ZNF429: variants seen among roughly 807,000 people sequenced by gnomAD.
ZNF429 encodes the protein zinc finger protein 429.
Under a neutral mutation model 56.8 loss-of-function variants are expected in ZNF429, and 53 were observed. The observed-to-expected ratio is 0.93, with a 90% CI of 0.75 to 1.17. The LOEUF (loss-of-function observed/expected upper bound fraction) is 1.17, where lower values mean the gene tolerates loss of function less well. Among genes scored for constraint, ZNF429 ranks in the 50% most tolerant of loss-of-function variants. The probability of loss-of-function intolerance (pLI) is 0.00; values close to 1 mark genes in which losing one functional copy is unlikely to be tolerated. For synonymous variants in ZNF429, 278 were observed against 264.7 expected (o/e 1.05, Z -0.49); for missense variants, 849 against 788.4 (o/e 1.08, Z -0.92).
chr19:21,528,002 T>A (rs933436019), intron 1 of ZNF429, among the ~76,000 whole-genome samples: 4 of 152,208 alleles, frequency 2.6e-5, no homozygotes, highest in Admixed American at 1.3e-4. Flanking sequence ...AACTACTTTT[T>A]AAAATTCTTA....
rs763089547 is a variant in ZNF429, at chr19:21,530,634, AAAAAGAACCC to A, written c.177_186del (p.Glu59AspfsTer4). The A allele has an allele frequency of 1.2e-6, 2 of 1,612,240 alleles. No individual in the cohort carries two copies. Among genetic ancestry groups the A allele is most frequent in the Non-Finnish European group, 8.5e-7 (1 of 1,179,140 alleles). On this transcript the variant is annotated frameshift_variant, in exon 3 of 4. Coordinates refer to ENST00000358491, the MANE Select transcript of ZNF429 (RefSeq NM_001001415.4). LOFTEE classifies it high-confidence loss of function. Reference sequence around the variant, plus strand: ...GACCTAATCACTTGTCTAGAGAAAGAAAAAGAACCCTGCAAGATGAAGCGACATGAAATGG... The same window carrying A: ...GACCTAATCACTTGTCTAGAGAAAGATGCAAGATGAAGCGACATGAAATGG...
intron 1 of ZNF429, among the ~76,000 whole-genome samples, chr19:21,509,341 A>G (rs576707328): frequency 6.6e-6 from 1 of 152,340 alleles, no homozygotes; most frequent in South Asian, 2.1e-4. Context: ...TAATACATTT[A>G]TAAAGGAATA....
In ZNF429 at chr19:21,537,087, A is replaced by C; in HGVS notation, c.1034A>C (p.Glu345Ala). ...GGTGAGAAACCCTACAAATGTGAAG[A>C]ATGTGGCAAAGCCTTTAACTGGTCT... ...HTGEKPYKCE[E>A]CGKAFNWSST... is the part of the protein sequence containing the mutation. The change falls in exon 4 of 4, where the codon GAA becomes GCA. Residue 345 changes from glutamate (E) to alanine (A), a missense_variant. Transcript: ENST00000358491. 1 of 1,614,028 alleles carries C rather than the reference A, an allele frequency of 6.2e-7. No individual in the cohort carries two copies. Among genetic ancestry groups the C allele is most frequent in the Non-Finnish European group, 8.5e-7 (1 of 1,179,916 alleles).
At chr19:21,524,004 G>C (rs915018111) in intron 1 of ZNF429, among the ~76,000 whole-genome samples, 12 of 149,886 alleles carry the variant, frequency 8.0e-5, no homozygotes, top group African/African-American at 3.0e-4. Context: ...AAACTAACAG[G>C]AGGCATCTTC....
chr19:21,536,625 A>AT lies in ZNF429; in HGVS notation c.573dup (p.Lys192Ter), dbSNP rs770492289. On this transcript the variant is annotated frameshift_variant, in exon 4 of 4. Coordinates refer to ENST00000358491, the MANE Select transcript of ZNF429 (RefSeq NM_001001415.4). LOFTEE classifies it high-confidence loss of function. ...TGCATGCTTTCACAACTAACTCAAC[A>AT]TAAGAAAATTCATATTAGAGAGAAT... 4.8e-5 allele frequency: 78 copies of AT among 1,613,690 alleles called. No individual in the cohort carries two copies. The highest frequency in any genetic ancestry group is 6.4e-5 in the Non-Finnish European group (75 of 1,179,898).
At chr19:21,535,425 T>C in intron 3 of ZNF429, among the ~76,000 whole-genome samples, 1 of 6,180 alleles carries the variant, frequency 1.6e-4, no homozygotes, top group African/African-American at 8.1e-4. Context: ...TCTTTCTTTC[T>C]TTCTTTCTTT....
chr19:21,529,969 G>T, intron 2 of ZNF429, among the ~76,000 whole-genome samples, 185 bp downstream of exon 2: 14 of 152,058 alleles, frequency 9.2e-5, no homozygotes, highest in African/African-American at 2.9e-4. Context: ...AGGCCAAGGC[G>T]GGTGGATCAC....
At position 21,538,060 on chromosome 19, in the gene ZNF429, T is replaced by A; in HGVS notation, c.2007T>A (p.Asp669Glu). The change falls in exon 4 of 4, where the codon GAT becomes GAA. Residue 669 changes from aspartate to glutamate, a missense_variant. Asp to Glu is a conservative substitution (Grantham distance 45, BLOSUM62 2). Coordinates refer to ENST00000358491, the MANE Select transcript of ZNF429 (RefSeq NM_001001415.4). ...GTGGGCGGATCACGAGGTCAGGAGA[T>A]CGAGACCGTCCTGGCTAACATGGTG... ...GRGGRITRSG[D>E]RDRPG 7.2e-7 allele frequency: 1 copy of A among 1,379,336 alleles called. No homozygotes were observed. The highest frequency in any genetic ancestry group is 1.0e-6 in the Non-Finnish European group (1 of 981,490). 85.4% of individuals were successfully genotyped at this position (1,379,336 alleles called of 1,614,324 possible). A position where few individuals can be genotyped will look rare whatever the true frequency, so the allele number is the denominator to read the frequency against.
In ZNF429 at chr19:21,529,980, G is replaced by A; in HGVS notation, c.130+196G>A. On this transcript the variant is annotated intron_variant, in intron 2 of 3. Transcript: ENST00000358491. ...TGGGAGGCCAAGGCGGGTGGATCAC[G>A]AGGTCAGGAGACCATCCTGGCTAAC... Among the ~76,000 whole-genome samples, 185 of 152,042 alleles carry A rather than the reference G, an allele frequency of 1.2e-3. 2 individuals carry two copies. The highest frequency in any genetic ancestry group is 5.0e-3 in the South Asian group (24 of 4,816).
chr19:21,535,409 T>C, intron 3 of ZNF429, among the ~76,000 whole-genome samples: 10 of 101,710 alleles, frequency 9.8e-5, no homozygotes, highest in African/African-American at 1.6e-4. Flanking sequence ...TTCTTTCTTT[T>C]TCTTTTCTTT....
intron 3 of ZNF429, among the ~76,000 whole-genome samples, chr19:21,533,246 C>G: frequency 6.6e-6 from 1 of 151,332 alleles, no homozygotes; most frequent in East Asian, 1.9e-4. Context: ...TCCAGTTGTG[C>G]GTCTTTTTTG....
Position 21,537,959 on chromosome 19 carries a change from C to A in ZNF429, c.1906C>A (p.Leu636Ile). The A allele has an allele frequency of 6.2e-7, 1 of 1,614,052 alleles. No individual in the cohort carries two copies. The highest frequency in any genetic ancestry group is 1.6e-4 in the Middle Eastern group (1 of 6,062). ...CAAAGCTTTTACCCGGTCTTCAAGA[C>A]TTACTCAACATAAGAAAATTCATAG... ...CAKAFTRSSRLTQHKKIHRMG... is the reference protein window; with the variant it reads ...CAKAFTRSSRITQHKKIHRMG... The change falls in exon 4 of 4, where the codon CTT (leucine) becomes ATT (isoleucine). Residue 636 changes from leucine to isoleucine, a missense_variant. Transcript: ENST00000358491.
At chr19:21,510,792 A>G (rs970888156) in intron 1 of ZNF429, among the ~76,000 whole-genome samples, 2 of 151,842 alleles carry the variant, frequency 1.3e-5, no homozygotes, top group African/African-American at 2.4e-5. Context: ...CTTAACGAGC[A>G]TGCTGCCTTC....
chr19:21,511,261 C>A (rs1256274944), intron 1 of ZNF429, among the ~76,000 whole-genome samples: 5 of 151,996 alleles, frequency 3.3e-5, no homozygotes, highest in South Asian at 2.1e-4. Flanking sequence ...GGGGGGCTGA[C>A]CCCCACCTCC....
At chr19:21,532,767 T>C in intron 3 of ZNF429, among the ~76,000 whole-genome samples, 1 of 151,830 alleles carries the variant, frequency 6.6e-6, no homozygotes. Flanking sequence ...GGTGCAGTCT[T>C]GGTTCACTGC....
chr19:21,518,999 G>GAT (rs1395723844), intron 1 of ZNF429: 6 of 130,784 alleles, frequency 4.6e-5, no homozygotes, highest in African/African-American at 8.7e-5. Context: ...TGATGAGAAA[G>GAT]ATATATATAC....
At chr19:21,518,248 G>C (rs1296735459) in intron 1 of ZNF429, among the ~76,000 whole-genome samples, 3 of 152,186 alleles carry the variant, frequency 2.0e-5, no homozygotes, top group Non-Finnish European at 2.9e-5. Flanking sequence ...CTTGTCTTCT[G>C]CTAGCTCAGG....
chr19:21,535,490 T>C, intron 3 of ZNF429, among the ~76,000 whole-genome samples: 25 of 133,508 alleles, frequency 1.9e-4, no homozygotes, highest in Non-Finnish European at 3.1e-4. Flanking sequence ...CTTTCTTTCT[T>C]TCTTTCTTCT....
At chr19:21,523,323 C>G (rs966876695) in intron 1 of ZNF429, among the ~76,000 whole-genome samples, 8 of 152,164 alleles carry the variant, frequency 5.3e-5, no homozygotes, top group Non-Finnish European at 8.8e-5. Flanking sequence ...CTTTTTAGGT[C>G]GGGGCGAAAG....
Sources: gnomAD v4.1 joint callset for allele counts (sites outside exome capture counted in the v4.1 genomes callset) on GRCh38, gnomAD v4.1.1 for gene constraint, MANE v1.5 for transcripts, NCBI Gene and HGNC (gene_info 2026-07-23, HGNC 2026-07-21) for gene names.